OR2L13: variants seen among roughly 807,000 people sequenced by gnomAD.
The protein encoded by OR2L13 is olfactory receptor 2L13.
In OR2L13, 14 loss-of-function variants were observed where a neutral mutation model predicts 15.3. The observed-to-expected ratio is 0.91, with a 90% CI of 0.60 to 1.43. The LOEUF is 1.43. OR2L13 is among the 40% of genes most tolerant of loss of function. The pLI is 0.00. For missense variants in OR2L13, 367 were observed against 387.9 expected (o/e 0.95, Z 0.45); for synonymous variants, 152 against 142.9 (o/e 1.06, Z -0.45).
At chr1:248,049,789 T>C in the OR2L13 span, among the ~76,000 whole-genome samples, 2 of 152,322 alleles carry the variant, frequency 1.3e-5, no homozygotes, top group East Asian at 3.9e-4. Flanking sequence ...ACCAGCCTTA[T>C]TTCAGATTTA....
chr1:247,966,849 T>C, the OR2L13 span, among the ~76,000 whole-genome samples: 7 of 152,178 alleles, frequency 4.6e-5, no homozygotes, highest in Admixed American at 1.3e-4. Context: ...TATTGAATAA[T>C]GTATTAACAG....
chr1:248,086,142 T>C, the OR2L13 span, among the ~76,000 whole-genome samples: 1 of 152,222 alleles, frequency 6.6e-6, no homozygotes, highest in African/African-American at 2.4e-5. Context: ...GATCATTTTA[T>C]GTTGCCATTT....
chr1:248,045,354 A>G, the OR2L13 span, among the ~76,000 whole-genome samples: 1 of 152,200 alleles, frequency 6.6e-6, no homozygotes, highest in Non-Finnish European at 1.5e-5. Flanking sequence ...TACTGCTTCC[A>G]GAACACCCTC....
chr1:247,968,199 C>T, the OR2L13 span, among the ~76,000 whole-genome samples: 1 of 151,918 alleles, frequency 6.6e-6, no homozygotes, highest in East Asian at 1.9e-4. Context: ...AATATGACTC[C>T]ACTTTTATAG....
the OR2L13 span, chr1:247,939,139 G>A: frequency 6.6e-6 from 1 of 152,140 alleles, no homozygotes; most frequent in South Asian, 2.1e-4. Context: ...TAAGTAAATC[G>A]ATTCTGCTTA....
At chr1:247,949,381 A>G in the OR2L13 span, 5 of 1,614,076 alleles carry the variant, frequency 3.1e-6, no homozygotes, top group Non-Finnish European at 3.4e-6. Flanking sequence ...GCCATCAATC[A>G]TTTCTTCTGT....
At chr1:248,048,919 C>CTTTTTTTTT in the OR2L13 span, among the ~76,000 whole-genome samples, 1 of 138,194 alleles carries the variant, frequency 7.2e-6, no homozygotes, top group African/African-American at 3.2e-5. Context: ...CCTTTTCTCT[C>CTTTTTTTTT]TCTCTTTTTT....
At chr1:248,049,492 A>T in the OR2L13 span, among the ~76,000 whole-genome samples, 21 of 152,184 alleles carry the variant, frequency 1.4e-4, no homozygotes, top group African/African-American at 4.6e-4. Flanking sequence ...TTCTTCCAGT[A>T]GGGAATCTTT....
At chr1:247,966,979 A>T in the OR2L13 span, among the ~76,000 whole-genome samples, 1 of 151,720 alleles carries the variant, frequency 6.6e-6, no homozygotes, top group African/African-American at 2.4e-5. Context: ...AGACAGGAGT[A>T]TCTATTGATG....
chr1:248,000,785 A>G, the OR2L13 span, among the ~76,000 whole-genome samples: 1 of 152,172 alleles, frequency 6.6e-6, no homozygotes, highest in African/African-American at 2.4e-5. Flanking sequence ...AGGTGAAGTT[A>G]AAGTACATTA....
the OR2L13 span, among the ~76,000 whole-genome samples, chr1:247,959,660 C>G: frequency 6.6e-6 from 1 of 152,052 alleles, no homozygotes; most frequent in South Asian, 2.1e-4. Flanking sequence ...TCTTTTTTCT[C>G]TAAACTTCTC....
the OR2L13 span, among the ~76,000 whole-genome samples, chr1:247,953,730 T>C: frequency 6.6e-6 from 1 of 152,172 alleles, no homozygotes; most frequent in Non-Finnish European, 1.5e-5. Flanking sequence ...TCCAGGAGTC[T>C]TTGGTACATT....
the OR2L13 span, among the ~76,000 whole-genome samples, chr1:248,004,610 C>T: frequency 1.8e-3 from 269 of 152,260 alleles, no homozygotes; most frequent in Non-Finnish European, 2.9e-3. Flanking sequence ...CCTGATACCA[C>T]GCTGGATGGC....
upstream of OR2L13, among the ~76,000 whole-genome samples, chr1:248,095,607 C>CTTTTTTTTTT (rs780686820): frequency 0.054 from 1,996 of 37,242 alleles, 818 homozygotes; most frequent in Non-Finnish European, 0.069. Context: ...AAAGCTGCTG[C>CTTTTTTTTTT]TTTTTTTTTT....
the OR2L13 span, among the ~76,000 whole-genome samples, chr1:248,070,949 A>T: frequency 6.6e-6 from 1 of 152,220 alleles, no homozygotes; most frequent in Non-Finnish European, 1.5e-5. Context: ...CTCTGAATAG[A>T]CTGATAACAG....
chr1:248,029,618 T>C, the OR2L13 span, among the ~76,000 whole-genome samples: 1 of 152,126 alleles, frequency 6.6e-6, no homozygotes, highest in Non-Finnish European at 1.5e-5. Flanking sequence ...ATAACTCCCA[T>C]GTATGTGATA....
the OR2L13 span, among the ~76,000 whole-genome samples, chr1:248,079,300 T>A: frequency 6.6e-6 from 1 of 151,998 alleles, no homozygotes; most frequent in Non-Finnish European, 1.5e-5. Flanking sequence ...AACACACAAA[T>A]AACGGCAACA....
the OR2L13 span, among the ~76,000 whole-genome samples, chr1:248,070,929 G>A: frequency 6.6e-6 from 1 of 152,192 alleles, no homozygotes; most frequent in African/African-American, 2.4e-5. Flanking sequence ...AAACCAGGGA[G>A]AAGTTGAATC....
chr1:247,958,117 G>A, the OR2L13 span, among the ~76,000 whole-genome samples: 2 of 152,072 alleles, frequency 1.3e-5, no homozygotes, highest in Non-Finnish European at 1.5e-5. Context: ...CTTTGAATGT[G>A]TCCCAGAGAT....
Sources: gnomAD v4.1 joint callset for allele counts (sites outside exome capture counted in the v4.1 genomes callset) on GRCh38, gnomAD v4.1.1 for gene constraint, MANE v1.5 for transcripts, NCBI Gene and HGNC (gene_info 2026-07-23, HGNC 2026-07-21) for gene names.